NUCB1: variants seen among roughly 807,000 people sequenced by gnomAD.
The protein encoded by NUCB1 is nucleobindin-1.
In NUCB1, 47 loss-of-function variants were observed where a neutral mutation model predicts 61.2. The ratio of observed to expected loss-of-function variants is 0.77; its 90% CI spans 0.61 to 0.98. The LOEUF is 0.98. NUCB1 is among the 50% of genes least tolerant of loss of function. The pLI is 0.00. For missense variants in NUCB1, 583 were observed against 605.3 expected, an observed-to-expected ratio of 0.96 and a Z score of 0.39; for synonymous variants, 234 against 243.1, an observed-to-expected ratio of 0.96 and a Z score of 0.35.
At chr19:48,921,958 G>A (rs779376977) in intron 12 of NUCB1, 26 bp downstream of exon 12, 15 of 1,526,316 alleles carry the variant, frequency 9.8e-6, no homozygotes, top group Non-Finnish European at 1.2e-5. Flanking sequence ...CAGGGAGGAG[G>A]GGCTGCAGGG....
intron 5 of NUCB1, among the ~76,000 whole-genome samples, chr19:48,912,714 T>TA (rs55893412): frequency 0.13 from 20,308 of 151,694 alleles, 1,525 homozygotes; most frequent in Non-Finnish European, 0.16. Flanking sequence ...CACATGCCTA[T>TA]AATCCCAGCT....
At chr19:48,905,643 T>C (rs2037402108) in intron 3 of NUCB1, 110 bp from the exon 4 acceptor site, 12 of 1,308,732 alleles carry the variant, frequency 9.2e-6, no homozygotes, top group Non-Finnish European at 1.3e-5. Context: ...TGGGGGACTA[T>C]AAGCAGGGAA....
chr19:48,905,719 C>T (rs768610793), intron 3 of NUCB1, 34 bp from the exon 4 acceptor site: 6 of 1,612,778 alleles, frequency 3.7e-6, no homozygotes, highest in Non-Finnish European at 5.1e-6. Context: ...AGAGAGCAGG[C>T]CCCCAGGCTG....
At chr19:48,904,551 GT>G (rs2037392286) in intron 3 of NUCB1, 97 bp downstream of exon 3, 1 of 700,032 alleles carries the variant, frequency 1.4e-6, no homozygotes, top group African/African-American at 1.8e-5. Context: ...TTGAGACGGA[GT>G]CTTGCTCTGT....
At chr19:48,901,723 C>T (rs998886984) in intron 2 of NUCB1, among the ~76,000 whole-genome samples, 32 of 152,276 alleles carry the variant, frequency 2.1e-4, no homozygotes, top group African/African-American at 7.2e-4. Context: ...GAGCCAAGGT[C>T]ACGCCATTGC....
chr19:48,912,853 A>G (rs990509412), intron 5 of NUCB1, among the ~76,000 whole-genome samples, 158 bp from the exon 6 acceptor site: 10 of 151,528 alleles, frequency 6.6e-5, no homozygotes, highest in Non-Finnish European at 5.9e-5. Context: ...CAAAAAAAAA[A>G]AAAAAAAAAG....
In NUCB1 at chr19:48,911,200, C is replaced by T. The variant is rs374845693; in HGVS notation, c.428C>T (p.Pro143Leu). 1.6e-5 allele frequency: 26 copies of T among 1,613,732 alleles called. No individual in the cohort carries two copies. Among genetic ancestry groups the T allele is most frequent in the Non-Finnish European group, 2.0e-5 (24 of 1,179,902 alleles). Reference protein sequence around the residue: ...NLLKQFEHLDPQNQHTFEARD... With the variant: ...NLLKQFEHLDLQNQHTFEARD... The stretch of plus-strand genomic sequence containing the variant: ...CTGAAACAGTTTGAACACCTGGACC[C>T]TCAGAACCAGCATACATTCGAGGCC... Residue 143 changes from proline to leucine, a missense_variant, in exon 5 of 13, where the codon CCT becomes CTT. Transcript: ENST00000405315.
chr19:48,911,409 T>G (rs2037471716), intron 5 of NUCB1, among the ~76,000 whole-genome samples, 157 bp downstream of exon 5: 1 of 149,234 alleles, frequency 6.7e-6, no homozygotes, highest in Non-Finnish European at 1.5e-5. Flanking sequence ...TCTTTTCTTT[T>G]TTTTTTTTTT....
At chr19:48,917,659 G>A (rs536222652) in intron 7 of NUCB1, among the ~76,000 whole-genome samples, 7 of 152,252 alleles carry the variant, frequency 4.6e-5, no homozygotes, top group African/African-American at 1.7e-4. Flanking sequence ...ATTATGCCTG[G>A]CTAATTTTTG....
At position 48,907,075 on chromosome 19, in the gene NUCB1, C is replaced by T. The variant is rs954731755; in HGVS notation, c.376+1190C>T. Reference sequence around the variant, plus strand: ...CTGCAAGCTCCGCCTCCTGGATTCACGCCATTCTTGTGCCTCAGCCTCCCA... The same window carrying T: ...CTGCAAGCTCCGCCTCCTGGATTCATGCCATTCTTGTGCCTCAGCCTCCCA... On this transcript the variant is annotated intron_variant, in intron 4 of 12. Transcript: ENST00000405315. Among the ~76,000 whole-genome samples, 8 of 148,512 alleles carry T rather than the reference C, an allele frequency of 5.4e-5. No individual in the cohort carries two copies. The South Asian group carries it at 1.1e-3, about 20-fold the overall frequency.
intron 4 of NUCB1, among the ~76,000 whole-genome samples, chr19:48,908,621 G>A (rs1052808140): frequency 5.4e-5 from 8 of 148,162 alleles, no homozygotes. Flanking sequence ...CTCCACTGCA[G>A]CCTAGGTCTC....
intron 2 of NUCB1, among the ~76,000 whole-genome samples, chr19:48,901,381 G>A (rs1409702712): frequency 6.6e-6 from 1 of 152,158 alleles, no homozygotes; most frequent in Non-Finnish European, 1.5e-5. Context: ...CCCAATAAAA[G>A]CTTTGGTCTT....
At chr19:48,917,775 C>T (rs552203088) in intron 7 of NUCB1, among the ~76,000 whole-genome samples, 25 of 150,912 alleles carry the variant, frequency 1.7e-4, no homozygotes, top group African/African-American at 5.6e-4. Flanking sequence ...GGATTACAGG[C>T]GTGAGCCACC....
rs114905119 is a variant in NUCB1 at position 48,911,328 on chromosome 19, G to A, written c.480+76G>A. ...GGGAGAAGGGGACAGAGTCCCAGACGTGAGCCAGCTCACCATTCCTGCTGG... is the reference window on the plus strand; with the variant it reads ...GGGAGAAGGGGACAGAGTCCCAGACATGAGCCAGCTCACCATTCCTGCTGG... On this transcript the variant is annotated intron_variant, in intron 5 of 12. Coordinates refer to ENST00000405315, the MANE Select transcript of NUCB1 (RefSeq NM_006184.6). 4.7e-3 allele frequency: 4,684 copies of A among 989,226 alleles called. 152 individuals are homozygous for A. In the African/African-American group the frequency reaches 0.067, roughly 14 times the overall value. 61.3% of individuals were successfully genotyped at this position (989,226 alleles called of 1,614,324 possible).
intron 7 of NUCB1, 176 bp from the exon 8 acceptor site, chr19:48,918,550 C>G: frequency 1.6e-6 from 1 of 629,668 alleles, no homozygotes; most frequent in South Asian, 1.9e-5. Context: ...GGCAGTGGCC[C>G]TAGCAACGGG....
intron 5 of NUCB1, 120 bp downstream of exon 5, chr19:48,911,372 G>A (rs2037470309): frequency 3.0e-6 from 2 of 673,194 alleles, no homozygotes; most frequent in African/African-American, 3.7e-5. Context: ...GAGGTTGGAG[G>A]CTGGTAGAGG....
In NUCB1 at chr19:48,904,558, T is replaced by A. The variant is rs1234374981; in HGVS notation, c.243+104T>A. The A allele has an allele frequency of 2.5e-5, 17 of 687,342 alleles. No individual in the cohort carries two copies. In the East Asian group the frequency reaches 4.4e-4, roughly 18 times the overall value. The allele number at this position is 687,342 out of a possible 1,614,324, so 42.6% of individuals were successfully genotyped here. The stretch of plus-strand genomic sequence containing the variant: ...TTTTTTTTTTGAGACGGAGTCTTGC[T>A]CTGTCACCCAGGCTGGAGTGCGATG... On this transcript the variant is annotated intron_variant, in intron 3 of 12. Coordinates refer to ENST00000405315, the MANE Select transcript of NUCB1 (RefSeq NM_006184.6).
chr19:48,920,000 C>T (rs888954019), intron 10 of NUCB1, among the ~76,000 whole-genome samples: 1 of 152,020 alleles, frequency 6.6e-6, no homozygotes, highest in Non-Finnish European at 1.5e-5. Context: ...AACTGCTGGA[C>T]TCAAGCGATC....
intron 2 of NUCB1, among the ~76,000 whole-genome samples, chr19:48,901,580 A>G (rs1012964970): frequency 1.3e-5 from 2 of 152,212 alleles, no homozygotes; most frequent in African/African-American, 4.8e-5. Context: ...CCTGGCCAAC[A>G]TGGCAAAACC....
Sources: gnomAD v4.1 joint callset for allele counts (sites outside exome capture counted in the v4.1 genomes callset) on GRCh38, gnomAD v4.1.1 for gene constraint, MANE v1.5 for transcripts, NCBI Gene and HGNC (gene_info 2026-07-23, HGNC 2026-07-21) for gene names.